PARD3: variants seen among roughly 807,000 people sequenced by gnomAD.
PARD3 encodes the protein partitioning defective 3 homolog.
PARD3 carries 75 observed loss-of-function variants against 155.4 expected under a neutral mutation model. The ratio of observed to expected loss-of-function variants is 0.48; its 90% confidence interval spans 0.40 to 0.58. PARD3 has a LOEUF of 0.58. Ranked by LOEUF, PARD3 falls within the 20% of genes least tolerant of loss-of-function variation. The pLI is 0.00. For synonymous variants in PARD3, 576 were observed against 610.5 expected, an observed-to-expected ratio of 0.94 and a Z score of 0.83; for missense variants, 1,642 against 1,721.7, an observed-to-expected ratio of 0.95 and a Z score of 0.82.
intron 2 of PARD3, among the ~76,000 whole-genome samples, chr10:34,578,944 G>A (rs2087135938): frequency 6.6e-6 from 1 of 152,190 alleles, no homozygotes; most frequent in Non-Finnish European, 1.5e-5. Context: ...GATAGCCTAA[G>A]CATATACCTT....
At chr10:34,370,807 G>GT (rs1840509427) in intron 12 of PARD3, among the ~76,000 whole-genome samples, 5 of 145,568 alleles carry the variant, frequency 3.4e-5, no homozygotes, top group African/African-American at 1.3e-4. Flanking sequence ...ATACAAATGG[G>GT]GTGTGTGTGT....
At chr10:34,602,735 G>A (rs1480339579) in intron 2 of PARD3, among the ~76,000 whole-genome samples, 2 of 152,146 alleles carry the variant, frequency 1.3e-5, no homozygotes, top group Non-Finnish European at 2.9e-5. Context: ...TGACTGGGAA[G>A]GCCACAGGCG....
At chr10:34,422,252 T>A (rs1444729846) in intron 5 of PARD3, among the ~76,000 whole-genome samples, 4 of 152,192 alleles carry the variant, frequency 2.6e-5, no homozygotes, top group African/African-American at 9.6e-5. Flanking sequence ...ATGGCATTCA[T>A]AACTCAGGTT....
chr10:34,784,734 G>A (rs1471941444), intron 1 of PARD3, among the ~76,000 whole-genome samples: 1 of 152,158 alleles, frequency 6.6e-6, no homozygotes, highest in African/African-American at 2.4e-5. Flanking sequence ...ACCGTGCCCG[G>A]CCCCAATATA....
intron 22 of PARD3, among the ~76,000 whole-genome samples, chr10:34,195,955 A>G (rs188817200): frequency 7.2e-5 from 11 of 152,354 alleles, no homozygotes; most frequent in Admixed American, 7.2e-4. Flanking sequence ...ATGCTGTGAA[A>G]ACTAAACCCA....
At chr10:34,493,057 A>T (rs1435020116) in intron 3 of PARD3, among the ~76,000 whole-genome samples, 1 of 152,196 alleles carries the variant, frequency 6.6e-6, no homozygotes, top group African/African-American at 2.4e-5. Context: ...TTCTGAGCCA[A>T]CCACCTGCCA....
intron 20 of PARD3, among the ~76,000 whole-genome samples, chr10:34,291,993 G>A (rs1040165054): frequency 9.2e-5 from 14 of 152,182 alleles, no homozygotes; most frequent in African/African-American, 3.4e-4. Context: ...GCAAGGTCAG[G>A]AACTGCTCCT....
intron 7 of PARD3, among the ~76,000 whole-genome samples, chr10:34,398,741 T>C (rs755001726): frequency 6.6e-6 from 1 of 152,194 alleles, no homozygotes; most frequent in African/African-American, 2.4e-5. Context: ...GAAACTGACA[T>C]AACATTTGAA....
intron 1 of PARD3, among the ~76,000 whole-genome samples, 165 bp downstream of exon 1, chr10:34,814,711 T>TGGCGCCCGCAGTCCGGGGCGGGG (rs1304841035): frequency 1.3e-5 from 2 of 151,794 alleles, no homozygotes; most frequent in East Asian, 3.9e-4. Context: ...CAGAGAACTT[T>TGGCGCCCGCAGTCCGGGGCGGGG]GGCGCCCGCA....
intron 22 of PARD3, among the ~76,000 whole-genome samples, chr10:34,148,980 T>G (rs975213103): frequency 6.6e-6 from 1 of 152,186 alleles, no homozygotes; most frequent in Non-Finnish European, 1.5e-5. Context: ...AAGAAACCGT[T>G]GATCATGACA....
intron 3 of PARD3, among the ~76,000 whole-genome samples, chr10:34,500,359 T>C (rs1342574945): frequency 6.6e-6 from 1 of 152,214 alleles, no homozygotes; most frequent in African/African-American, 2.4e-5. Flanking sequence ...AAAACAAAAA[T>C]GGCCTTTAGG....
At chr10:34,151,108 GA>G (rs1418552284) in intron 22 of PARD3, among the ~76,000 whole-genome samples, 1 of 151,938 alleles carries the variant, frequency 6.6e-6, no homozygotes, top group Non-Finnish European at 1.5e-5. Context: ...AAAGAAAGCT[GA>G]TTGGACATCT....
At chr10:34,361,262 C>G (rs1839409968) in intron 12 of PARD3, among the ~76,000 whole-genome samples, 1 of 152,222 alleles carries the variant, frequency 6.6e-6, no homozygotes, top group African/African-American at 2.4e-5. Context: ...CAAGTAAAAA[C>G]TGAATGGCAC....
intron 5 of PARD3, among the ~76,000 whole-genome samples, chr10:34,437,176 A>C (rs1774743): frequency 0.74 from 112,096 of 152,068 alleles, 42,635 homozygotes; most frequent in African/African-American, 0.93. Flanking sequence ...CTCATACAGA[A>C]GTCTAATGAA....
intron 1 of PARD3, among the ~76,000 whole-genome samples, chr10:34,791,815 A>G (rs11598664): frequency 0.35 from 53,155 of 151,050 alleles, 10,509 homozygotes; most frequent in African/African-American, 0.55. Context: ...ACCCTAGCTA[A>G]GGAGACACAG....
Position 34,347,957 on chromosome 10 carries a change from T to C in PARD3, c.2218+8A>G. 6.2e-7 allele frequency: 1 copy of C among 1,606,044 alleles called. No individual in the cohort carries two copies. The highest frequency in any genetic ancestry group is 8.5e-7 in the Non-Finnish European group (1 of 1,175,940). On this transcript the variant is annotated splice_region_variant and intron_variant, in intron 15 of 24. Coordinates refer to ENST00000374788, the MANE Select transcript of PARD3 (RefSeq NM_001184785.2). ...AAGATGTGATAAACAGAGTTTTACC[T>C]GACTCACCCATTATCCTACTGAGGG...
chr10:34,308,377 T>C (rs755710489), intron 20 of PARD3, among the ~76,000 whole-genome samples: 1 of 152,174 alleles, frequency 6.6e-6, no homozygotes, highest in Non-Finnish European at 1.5e-5. Context: ...CTTGGACCAC[T>C]GGGGCACAGT....
chr10:34,621,312 T>A lies in PARD3; in HGVS notation c.222+75006A>T, dbSNP rs941522755. On this transcript the variant is annotated intron_variant, in intron 2 of 24. Coordinates refer to ENST00000374788, the MANE Select transcript of PARD3 (RefSeq NM_001184785.2). ...CCCAGGTTTAAGTGGCTCTCGTGTTTCAGCCTTCTGATTAGCTGGGATTAC... is the reference window on the plus strand; with the variant it reads ...CCCAGGTTTAAGTGGCTCTCGTGTTACAGCCTTCTGATTAGCTGGGATTAC... 9.9e-5 allele frequency among the ~76,000 whole-genome samples: 15 copies of A among 152,278 alleles called. No individual in the cohort carries two copies. The East Asian group carries it at 1.3e-3, about 14-fold the overall frequency.
intron 1 of PARD3, among the ~76,000 whole-genome samples, chr10:34,734,322 CTTTTTTTTTTTTTTTTTTT>C (rs142307338): frequency 2.9e-5 from 2 of 67,980 alleles, no homozygotes; most frequent in African/African-American, 1.2e-4. Context: ...ATATGGGGCC[CTTTTTTTTTTTTTTTTTTT>C]TTTTTTTTTT....
Sources: gnomAD v4.1 joint callset for allele counts (sites outside exome capture counted in the v4.1 genomes callset) on GRCh38, gnomAD v4.1.1 for gene constraint, MANE v1.5 for transcripts, NCBI Gene and HGNC (gene_info 2026-07-23, HGNC 2026-07-21) for gene names.